The following STOX2 variants were observed in gnomAD, a reference collection of about 807,000 sequenced individuals.
The protein encoded by STOX2 is storkhead-box protein 2.
In STOX2, 28 loss-of-function variants were observed where a neutral mutation model predicts 60.9. The observed-to-expected ratio is 0.46, with a 90% confidence interval of 0.34 to 0.63. STOX2 has a LOEUF of 0.63. Among genes scored for constraint, STOX2 ranks in the 30% least tolerant of loss-of-function variants. The pLI is 0.01. For synonymous variants in STOX2, 472 were observed against 463.9 expected (o/e 1.02, Z -0.22); for missense variants, 1,024 against 1,187.7 (o/e 0.86, Z 2.03).
chr4:183,939,529 G>A (rs952390783), intron 1 of STOX2, among the ~76,000 whole-genome samples: 8 of 152,102 alleles, frequency 5.3e-5, no homozygotes, highest in Admixed American at 3.3e-4. Context: ...CACATTCACA[G>A]ATGCTGGGGG....
intron 1 of STOX2, among the ~76,000 whole-genome samples, chr4:183,871,835 T>G (rs1740700241): frequency 6.6e-6 from 1 of 151,942 alleles, no homozygotes; most frequent in Non-Finnish European, 1.5e-5. Flanking sequence ...TTATGAAACA[T>G]TCAATACCAA....
At chr4:183,950,606 G>C (rs1392501859) in intron 1 of STOX2, among the ~76,000 whole-genome samples, 2 of 152,224 alleles carry the variant, frequency 1.3e-5, no homozygotes, top group African/African-American at 4.8e-5. Context: ...GGCCGAGTTT[G>C]TCAAAGATCA....
chr4:183,976,444 T>C (rs1465097240), intron 1 of STOX2, among the ~76,000 whole-genome samples: 1 of 152,126 alleles, frequency 6.6e-6, no homozygotes, highest in Non-Finnish European at 1.5e-5. Flanking sequence ...ACATTCATGA[T>C]GAAAGCTCTC....
intron 1 of STOX2, among the ~76,000 whole-genome samples, chr4:183,894,869 G>A (rs1428075478): frequency 6.6e-6 from 1 of 152,164 alleles, no homozygotes; most frequent in Non-Finnish European, 1.5e-5. Context: ...GAGCTGCGGG[G>A]AAGTCATTTG....
upstream of STOX2, chr4:183,905,212 C>T (rs1484488592): frequency 6.6e-6 from 1 of 152,262 alleles, no homozygotes; most frequent in Non-Finnish European, 1.5e-5. Context: ...AGGCCCGCGT[C>T]CCGGGCCCAG....
At chr4:183,818,993 C>A (rs1305539362) in intron 1 of STOX2, among the ~76,000 whole-genome samples, 1 of 151,634 alleles carries the variant, frequency 6.6e-6, no homozygotes, top group African/African-American at 2.4e-5. Context: ...GATGGGTGGC[C>A]GGGCAGAGAC....
rs1249050366 is a variant in STOX2, at chr4:183,798,190, C to A, written c.364+135C>A. 1.7e-5 allele frequency: 15 copies of A among 882,700 alleles called. No homozygotes were observed. The Admixed American group carries it at 5.5e-4, about 32-fold the overall frequency. The allele number at this position is 882,700 out of a possible 1,614,324, so 54.7% of individuals were successfully genotyped here. A position where few individuals can be genotyped will look rare whatever the true frequency, so the allele number is the denominator to read the frequency against. ...GCTCCCCTGGGTGCCCGCGTCCCTG[C>A]CGGGGGAGGAGCCGGGGGCCCTCTG... is the stretch of plus-strand genomic sequence containing the variant. On this transcript the variant is annotated intron_variant, in intron 1 of 2. Coordinates refer to the STOX2 transcript ENST00000513034.
intron 1 of STOX2, among the ~76,000 whole-genome samples, chr4:183,923,904 CTCTGTAGACTGTGGT>C (rs1742169721): frequency 6.6e-6 from 1 of 152,180 alleles, no homozygotes; most frequent in Non-Finnish European, 1.5e-5. Context: ...GGTAGGAACA[CTCTGTAGACTGTGGT>C]TCCTAGACAC....
intron 1 of STOX2, among the ~76,000 whole-genome samples, chr4:183,968,903 C>G (rs1743659422): frequency 6.6e-6 from 1 of 152,066 alleles, no homozygotes. Flanking sequence ...CTTTTTTGCC[C>G]TGGCACTGCC....
At chr4:183,823,772 C>T (rs1055496251) in intron 1 of STOX2, among the ~76,000 whole-genome samples, 1 of 152,208 alleles carries the variant, frequency 6.6e-6, no homozygotes, top group African/African-American at 2.4e-5. Flanking sequence ...CCTTTCAATT[C>T]CAAAGACTTT....
intron 1 of STOX2, among the ~76,000 whole-genome samples, chr4:183,841,085 CTCAAATTCTTGGGCTCAA>C (rs1739847767): frequency 6.6e-6 from 1 of 152,198 alleles, no homozygotes; most frequent in Admixed American, 6.5e-5. Context: ...CCAGGCTGGT[CTCAAATTCTTGGGCTCAA>C]GTGATCTGCC....
chr4:183,870,080 A>C (rs182038646), intron 1 of STOX2, among the ~76,000 whole-genome samples: 4 of 152,320 alleles, frequency 2.6e-5, no homozygotes, highest in Admixed American at 2.6e-4. Context: ...AGTAGTGAAT[A>C]CATTTCAGTA....
At chr4:183,864,482 C>G (rs1182483638) in intron 1 of STOX2, among the ~76,000 whole-genome samples, 1 of 152,172 alleles carries the variant, frequency 6.6e-6, no homozygotes, top group Non-Finnish European at 1.5e-5. Flanking sequence ...CAACCTCCAC[C>G]TCCTGGGTTC....
chr4:183,962,693 A>G (rs1055791115), intron 1 of STOX2, among the ~76,000 whole-genome samples: 2 of 152,202 alleles, frequency 1.3e-5, no homozygotes, highest in Non-Finnish European at 2.9e-5. Flanking sequence ...CATCACTAAT[A>G]TTATCCAGTG....
intron 1 of STOX2, among the ~76,000 whole-genome samples, chr4:183,962,587 A>G (rs1306274422): frequency 6.6e-6 from 1 of 152,216 alleles, no homozygotes; most frequent in Non-Finnish European, 1.5e-5. Flanking sequence ...GAATCATTAT[A>G]TCCTGTGACA....
rs892487739 is a variant in STOX2 at position 183,892,038 on chromosome 4, A to G, written c.364+93983A>G. On this transcript the variant is annotated intron_variant, in intron 1 of 2. Transcript: ENST00000513034. ...GGAGTAGAGGTGCTGGGATTCACAC[A>G]CTGTCCGGGATATTCCAGAGCGTTC... 5.3e-5 allele frequency among the ~76,000 whole-genome samples: 8 copies of G among 152,182 alleles called. No individual in the cohort carries two copies. In the East Asian group the frequency reaches 1.4e-3, roughly 26 times the overall value.
chr4:184,005,191 G>T (rs2111234074), intron 2 of STOX2, among the ~76,000 whole-genome samples: 1 of 152,316 alleles, frequency 6.6e-6, no homozygotes, highest in South Asian at 2.1e-4. Context: ...TGATTGTGGT[G>T]GCTCACACCT....
chr4:183,872,738 G>A lies in STOX2; in HGVS notation c.364+74683G>A, dbSNP rs557498531. Among the ~76,000 whole-genome samples, 59 of 152,240 alleles carry A rather than the reference G, an allele frequency of 3.9e-4. 1 individual carries two copies. In the South Asian group the frequency reaches 0.011, roughly 29 times the overall value. ...GAGTAAATAAACAAGATAAACCCAC[G>A]TAAATTGATGGCTCTGGTCCTCCTA... On this transcript the variant is annotated intron_variant, in intron 1 of 2. Coordinates refer to the STOX2 transcript ENST00000513034.
chr4:183,800,265 A>T (rs1054219888), intron 1 of STOX2, among the ~76,000 whole-genome samples: 11 of 152,136 alleles, frequency 7.2e-5, no homozygotes, highest in Non-Finnish European at 1.5e-4. Flanking sequence ...ATTGGCTCAC[A>T]ACCTTTTATT....
Sources: allele counts gnomAD v4.1 joint callset (sites outside exome capture counted in the v4.1 genomes callset), GRCh38; gene constraint gnomAD v4.1.1; transcripts MANE v1.5; gene names NCBI Gene and HGNC (gene_info 2026-07-23, HGNC 2026-07-21).